BCL2L12: variants seen among roughly 807,000 people sequenced by gnomAD.
BCL2L12 encodes bcl-2-like protein 12.
Under a neutral mutation model 25.7 loss-of-function variants are expected in BCL2L12, and 27 were observed. That is an observed-to-expected ratio of 1.05 (90% CI 0.78 to 1.45). BCL2L12 has a LOEUF of 1.45. BCL2L12 is among the 40% of genes most tolerant of loss of function. BCL2L12 has a pLI of 0.00. For synonymous variants in BCL2L12, 132 were observed against 145.6 expected, an observed-to-expected ratio of 0.91 and a Z score of 0.67; for missense variants, 302 against 329.8, an observed-to-expected ratio of 0.92 and a Z score of 0.65.
At chr19:49,668,588 G>C (rs1427953508) in intron 3 of BCL2L12, among the ~76,000 whole-genome samples, 3 of 152,068 alleles carry the variant, frequency 2.0e-5, no homozygotes, top group African/African-American at 7.2e-5. Context: ...TGGATTGCCT[G>C]AGGTCAGCCT....
rs999999588 is a variant in BCL2L12, at chr19:49,672,360, G to A, written c.703-1338G>A. On this transcript the variant is annotated intron_variant, in intron 6 of 6. Transcript: ENST00000246784. The surrounding 1 kb of genome is among the most constrained non-coding windows in gnomAD (Gnocchi z 4.1). ...AGGAGGCCAGTAGGGCTACAGTAGGGTGAGCGGGCGACAGATGAGAGGAGG... is the reference window on the plus strand; with the variant it reads ...AGGAGGCCAGTAGGGCTACAGTAGGATGAGCGGGCGACAGATGAGAGGAGG... Among the ~76,000 whole-genome samples the A allele has an allele frequency of 1.6e-4, 24 of 152,218 alleles. No individual in the cohort carries two copies. Among genetic ancestry groups the A allele is most frequent in the African/African-American group, 5.5e-4 (23 of 41,460 alleles).
rs958062560 is a variant in BCL2L12 at position 49,670,361 on chromosome 19, C to CCCTGGCCCG, written c.584_592dup (p.Arg195_Ala197dup). On this transcript the variant is annotated inframe_insertion, in exon 6 of 7. Coordinates refer to ENST00000246784, the MANE Select transcript of BCL2L12 (RefSeq NM_138639.2). ...GGGCCCCCGCCTCCTTCCCCGGAGC[C>CCCTGGCCCG]CCTGGCCCGCCTGGCCCTAGCCATG... 5.7e-5 allele frequency: 90 copies of CCCTGGCCCG among 1,588,068 alleles called. No individual in the cohort carries two copies. Among genetic ancestry groups the CCCTGGCCCG allele is most frequent in the South Asian group, 1.7e-4 (15 of 88,208 alleles).
intron 6 of BCL2L12, 37 bp from the exon 7 acceptor site, chr19:49,673,661 G>A (rs749286229): frequency 1.9e-6 from 3 of 1,559,352 alleles, no homozygotes; most frequent in Non-Finnish European, 2.7e-6. Flanking sequence ...GGGAACACCT[G>A]CCCTGCTCAC....
At chr19:49,668,802 G>GT (rs773436210) in intron 3 of BCL2L12, 49 bp from the exon 4 acceptor site, 3 of 1,539,240 alleles carry the variant, frequency 1.9e-6, no homozygotes, top group African/African-American at 1.4e-5. Flanking sequence ...GAGAGAATCC[G>GT]TAAGTTTCCA....
Position 49,667,037 on chromosome 19 carries a change from G to A in BCL2L12, c.126G>A (p.Glu42=). 6.2e-7 allele frequency: 1 copy of A among 1,613,516 alleles called. No homozygotes were observed. The highest frequency in any genetic ancestry group is 8.5e-7 in the Non-Finnish European group (1 of 1,179,868). The change falls in exon 3 of 7, where the codon GAG becomes GAA. Residue 42 remains glutamate, a synonymous_variant. Transcript: ENST00000246784. ...PTPPRSPAQE[E]PTDFLSRLRR... is the part of the protein sequence containing the mutation. ...TCTCCAGAAGCCCTGCCCAAGAAGA[G>A]CCAACAGACTTCCTGAGCCGCCTTC... is the stretch of plus-strand genomic sequence containing the variant.
intron 3 of BCL2L12, among the ~76,000 whole-genome samples, 162 bp downstream of exon 3, chr19:49,667,323 C>T (rs1250819359): frequency 6.6e-6 from 1 of 152,180 alleles, no homozygotes; most frequent in Non-Finnish European, 1.5e-5. Flanking sequence ...TCTGTCAATT[C>T]TGTGGGTTGG....
At chr19:49,671,076 C>A (rs1355469535) in intron 6 of BCL2L12, among the ~76,000 whole-genome samples, 1 of 152,098 alleles carries the variant, frequency 6.6e-6, no homozygotes, top group Non-Finnish European at 1.5e-5. Context: ...GCATGAGAAT[C>A]GCTTGAACCT....
At chr19:49,670,617 T>G in intron 6 of BCL2L12, 129 bp downstream of exon 6, 1 of 1,293,972 alleles carries the variant, frequency 7.7e-7, no homozygotes, top group Non-Finnish European at 1.0e-6. Flanking sequence ...GTTCGTTCTG[T>G]TGAGCCCTTG....
intron 6 of BCL2L12, among the ~76,000 whole-genome samples, chr19:49,673,117 C>T (rs991214528): frequency 3.3e-5 from 5 of 152,246 alleles, no homozygotes; most frequent in Admixed American, 1.3e-4. Context: ...CCACCCACCT[C>T]GGCCTCCCAA....
At chr19:49,673,648 G>C (rs374701507) in intron 6 of BCL2L12, 50 bp from the exon 7 acceptor site, 8 of 1,476,762 alleles carry the variant, frequency 5.4e-6, no homozygotes, top group Admixed American at 1.7e-5. Context: ...GCTGCTGTAT[G>C]GGGGGAACAC....
At chr19:49,665,676 G>C, upstream of BCL2L12, 1 of 1,128,284 alleles carries the variant, frequency 8.9e-7, no homozygotes, top group African/African-American at 1.6e-5. Context: ...ACCCACCCCT[G>C]TCTTGGAGCT....
upstream of BCL2L12, chr19:49,665,768 G>A: frequency 6.5e-7 from 1 of 1,545,836 alleles, no homozygotes; most frequent in Non-Finnish European, 8.8e-7. Flanking sequence ...CTTTTTGATC[G>A]ACTTCTTGAA....
rs1488884187 is a variant in BCL2L12, at chr19:49,666,899, C to G, written c.107+100C>G. ...CTGTCTCCTCTCTTTATATCTGGCTCTATTCTCTGTCTTTGGGGTTTTGGA... is the reference window on the plus strand; with the variant it reads ...CTGTCTCCTCTCTTTATATCTGGCTGTATTCTCTGTCTTTGGGGTTTTGGA... On this transcript the variant is annotated intron_variant, in intron 2 of 6. Transcript: ENST00000246784. 3 of 1,519,264 alleles carry G rather than the reference C, an allele frequency of 2.0e-6. No homozygotes were observed. The African/African-American group carries it at 4.2e-5, about 21-fold the overall frequency. 94.1% of individuals were successfully genotyped at this position (1,519,264 alleles called of 1,614,324 possible).
At chr19:49,665,928 T>C (rs1175199091), upstream of BCL2L12, 2 of 1,613,740 alleles carry the variant, frequency 1.2e-6, no homozygotes, top group East Asian at 2.2e-5. Flanking sequence ...CACCCAGCGT[T>C]CCGCCCTTTC....
chr19:49,667,860 A>G (rs1012592709), intron 3 of BCL2L12, among the ~76,000 whole-genome samples: 3 of 152,198 alleles, frequency 2.0e-5, no homozygotes, highest in East Asian at 1.9e-4. Flanking sequence ...GACTCACTGC[A>G]ATCCCCACCT....
At position 49,672,754 on chromosome 19, in the gene BCL2L12, G is replaced by A. The variant is rs2081986832; in HGVS notation, c.703-944G>A. On this transcript the variant is annotated intron_variant, in intron 6 of 6. Transcript: ENST00000246784. The surrounding 1 kb of genome is among the most constrained non-coding windows in gnomAD (Gnocchi z 4.1). Reference sequence around the variant, plus strand: ...GGGAAGGTGTGGGGATGGGGGCGATGGGGGTGGGGAGCAGGACTGGAGGTG... The same window carrying A: ...GGGAAGGTGTGGGGATGGGGGCGATAGGGGTGGGGAGCAGGACTGGAGGTG... Among the ~76,000 whole-genome samples the A allele has an allele frequency of 6.6e-6, 1 of 152,154 alleles. No homozygotes were observed.
At chr19:49,669,182 GA>G in intron 5 of BCL2L12, 67 bp downstream of exon 5, 1 of 1,581,020 alleles carries the variant, frequency 6.3e-7, no homozygotes, top group Non-Finnish European at 8.6e-7. Context: ...ACTGGGATCA[GA>G]AGCTGGATCT....
chr19:49,666,947 G>T, intron 2 of BCL2L12, 72 bp from the exon 3 acceptor site: 1 of 1,568,576 alleles, frequency 6.4e-7, no homozygotes, highest in Non-Finnish European at 8.7e-7. Flanking sequence ...GCGGGGGAGG[G>T]AGGGAGTTGG....
chr19:49,665,596 C>T (rs1470785407), upstream of BCL2L12: 4 of 548,820 alleles, frequency 7.3e-6, no homozygotes, highest in Middle Eastern at 5.0e-4. Flanking sequence ...CGCTCTCGGA[C>T]GCCACCAACG....
Sources: gnomAD v4.1 joint callset for allele counts (sites outside exome capture counted in the v4.1 genomes callset) on GRCh38, gnomAD v4.1.1 for gene constraint, Gnocchi (gnomAD v3.1) non-coding constraint, MANE v1.5 for transcripts, NCBI Gene and HGNC (gene_info 2026-07-23, HGNC 2026-07-21) for gene names.